The following RNGTT variants were observed in gnomAD, a reference collection of about 807,000 sequenced individuals.
RNGTT encodes the protein mRNA-capping enzyme.
In RNGTT, 33 loss-of-function variants were observed where a neutral mutation model predicts 79.3. That is an observed-to-expected ratio of 0.42 (90% CI 0.32 to 0.56). RNGTT has a LOEUF of 0.56. RNGTT is among the 20% of genes least tolerant of loss of function. RNGTT has a pLI of 0.17. For synonymous variants in RNGTT, 222 were observed against 235.9 expected (o/e 0.94, Z 0.54); for missense variants, 497 against 739.1 (o/e 0.67, Z 3.80).
At chr6:88,877,759 A>G (rs551103069) in intron 8 of RNGTT, among the ~76,000 whole-genome samples, 2 of 152,328 alleles carry the variant, frequency 1.3e-5, no homozygotes, top group Admixed American at 1.3e-4. Flanking sequence ...CAGATCAATA[A>G]ACAGTGTTTC....
At chr6:88,748,562 T>C (rs866678645) in intron 13 of RNGTT, among the ~76,000 whole-genome samples, 1 of 152,154 alleles carries the variant, frequency 6.6e-6, no homozygotes, top group African/African-American at 2.4e-5. Flanking sequence ...TTTTTACAAA[T>C]ACTGATTTAG....
At chr6:88,707,958 A>T (rs890233241) in intron 13 of RNGTT, among the ~76,000 whole-genome samples, 2 of 151,922 alleles carry the variant, frequency 1.3e-5, no homozygotes, top group African/African-American at 4.8e-5. Context: ...GAAACCAAAA[A>T]AATCAAGATC....
chr6:88,718,975 A>G (rs1776616507), intron 13 of RNGTT, among the ~76,000 whole-genome samples: 2 of 152,184 alleles, frequency 1.3e-5, no homozygotes, highest in Non-Finnish European at 2.9e-5. Context: ...GTTAAAAGCA[A>G]TGATACATAT....
chr6:88,761,399 G>A (rs2127836343), intron 13 of RNGTT, among the ~76,000 whole-genome samples: 1 of 152,212 alleles, frequency 6.6e-6, no homozygotes. Flanking sequence ...GCTGAAGCAG[G>A]AGAATCGCTT....
chr6:88,712,200 C>T (rs78811230), intron 13 of RNGTT, among the ~76,000 whole-genome samples: 11,605 of 152,188 alleles, frequency 0.076, 683 homozygotes, highest in Non-Finnish European at 0.11. Context: ...ATCAAGTAAA[C>T]AGCTCATATA....
At chr6:88,924,963 C>T (rs1276266946) in intron 4 of RNGTT, among the ~76,000 whole-genome samples, 1 of 152,026 alleles carries the variant, frequency 6.6e-6, no homozygotes, top group Non-Finnish European at 1.5e-5. Context: ...TCAAGTGATC[C>T]TCCCATCTTA....
chr6:88,791,378 A>T (rs1035018532), intron 12 of RNGTT, among the ~76,000 whole-genome samples: 1 of 151,898 alleles, frequency 6.6e-6, no homozygotes, highest in African/African-American at 2.4e-5. Flanking sequence ...GGCTCAAGTG[A>T]TCCGCCCACC....
chr6:88,858,982 G>A (rs1224110756), intron 8 of RNGTT, among the ~76,000 whole-genome samples: 1 of 151,966 alleles, frequency 6.6e-6, no homozygotes, highest in Non-Finnish European at 1.5e-5. Flanking sequence ...CAGACAAATA[G>A]GAATTATGAA....
intron 2 of RNGTT, among the ~76,000 whole-genome samples, chr6:88,940,481 G>A (rs1003527017): frequency 6.6e-6 from 1 of 152,208 alleles, no homozygotes; most frequent in Non-Finnish European, 1.5e-5. Context: ...GATTCTGGAT[G>A]CATGCAGTAG....
At chr6:88,855,652 C>T (rs1781820968) in intron 8 of RNGTT, among the ~76,000 whole-genome samples, 1 of 152,084 alleles carries the variant, frequency 6.6e-6, no homozygotes, top group African/African-American at 2.4e-5. Context: ...ATAGCTGCAG[C>T]CCTAGTAGAT....
chr6:88,756,787 T>C (rs1017375785), intron 13 of RNGTT, among the ~76,000 whole-genome samples: 5 of 152,102 alleles, frequency 3.3e-5, no homozygotes, highest in African/African-American at 1.2e-4. Context: ...TCAAAAAACA[T>C]GGCTTTGGGG....
chr6:88,798,784 A>C (rs566530221), intron 12 of RNGTT, among the ~76,000 whole-genome samples: 2 of 152,368 alleles, frequency 1.3e-5, no homozygotes, highest in African/African-American at 2.4e-5. Flanking sequence ...GAAGAACAGA[A>C]TCAGAAATTT....
At chr6:88,923,675 A>C (rs183980792) in intron 4 of RNGTT, among the ~76,000 whole-genome samples, 58 of 152,278 alleles carry the variant, frequency 3.8e-4, no homozygotes, top group Non-Finnish European at 2.9e-5. Context: ...ACACAAGGCC[A>C]CTTTTACCCA....
chr6:88,887,932 A>T (rs1782921624), intron 8 of RNGTT, among the ~76,000 whole-genome samples: 1 of 152,100 alleles, frequency 6.6e-6, no homozygotes, highest in Admixed American at 6.6e-5. Context: ...CCTGGGCAAC[A>T]TGGCAAGATC....
chr6:88,733,587 C>T (rs1452639299), intron 13 of RNGTT, among the ~76,000 whole-genome samples: 1 of 150,598 alleles, frequency 6.6e-6, no homozygotes, highest in Non-Finnish European at 1.5e-5. Flanking sequence ...ATCCAGGAAG[C>T]TAAAAAAGAA....
At chr6:88,615,177 C>A (rs1772172444) in intron 14 of RNGTT, among the ~76,000 whole-genome samples, 1 of 152,130 alleles carries the variant, frequency 6.6e-6, no homozygotes, top group Non-Finnish European at 1.5e-5. Flanking sequence ...AAATCAAATG[C>A]CAGTCATGGT....
chr6:88,695,426 C>A (rs1352501124), intron 13 of RNGTT, among the ~76,000 whole-genome samples: 3 of 152,116 alleles, frequency 2.0e-5, no homozygotes, highest in African/African-American at 7.2e-5. Context: ...TATCACTAAG[C>A]ATTAGGGAAA....
At chr6:88,739,146 A>G (rs1777382839) in intron 13 of RNGTT, among the ~76,000 whole-genome samples, 2 of 152,190 alleles carry the variant, frequency 1.3e-5, no homozygotes, top group Admixed American at 1.3e-4. Context: ...TAAACTACAT[A>G]CAAGGGAAAT....
intron 6 of RNGTT, among the ~76,000 whole-genome samples, chr6:88,898,678 T>C (rs964051769): frequency 2.7e-5 from 4 of 150,260 alleles, no homozygotes; most frequent in Admixed American, 6.7e-5. Flanking sequence ...TGTGTGTATA[T>C]ATATATATTA....
Sources: allele counts gnomAD v4.1 joint callset (sites outside exome capture counted in the v4.1 genomes callset), GRCh38; gene constraint gnomAD v4.1.1; transcripts MANE v1.5; gene names NCBI Gene and HGNC (gene_info 2026-07-23, HGNC 2026-07-21).